JAK1: variants seen among roughly 807,000 people sequenced by gnomAD.
The protein encoded by JAK1 is Janus kinase 1, also known as tyrosine-protein kinase JAK1.
JAK1 carries 16 observed loss-of-function variants against 136.6 expected under a neutral mutation model. The ratio of observed to expected loss-of-function variants is 0.12; its 90% confidence interval spans 0.08 to 0.18. The LOEUF (loss-of-function observed/expected upper bound fraction) is 0.18. JAK1 is among the 10% of genes least tolerant of loss of function. The pLI is 1.00. For missense variants in JAK1, 859 were observed against 1,450.1 expected, an observed-to-expected ratio of 0.59 and a Z score of 6.62; for synonymous variants, 492 against 519.5, an observed-to-expected ratio of 0.95 and a Z score of 0.72.
rs1646584015 is a variant in JAK1 at position 64,984,956 on chromosome 1, C to T, written c.-78+59524G>A. The T allele has an allele frequency of 1.9e-6, 2 of 1,031,162 alleles. No individual in the cohort carries two copies. The highest frequency in any genetic ancestry group is 1.5e-6 in the Non-Finnish European group (1 of 652,960). The allele number at this position is 1,031,162 out of a possible 1,614,324, so 63.9% of individuals were successfully genotyped here. On this transcript the variant is annotated intron_variant, in intron 2 of 25. Transcript: ENST00000671954. The surrounding 1 kb of genome is among the most constrained non-coding windows in gnomAD (Gnocchi z 4.1). The stretch of plus-strand genomic sequence containing the variant: ...CAATAAACCAGGGAATGTGGTCTGG[C>T]CCAATTTCAAAGAAGACCACAAAGA...
intron 1 of JAK1, among the ~76,000 whole-genome samples, chr1:64,951,309 G>T (rs1646082378): frequency 6.6e-6 from 1 of 152,112 alleles, no homozygotes; most frequent in African/African-American, 2.4e-5. Context: ...CAACTGTGTG[G>T]CAATATTCCT....
intron 1 of JAK1, among the ~76,000 whole-genome samples, chr1:64,946,252 A>T (rs941982703): frequency 6.6e-6 from 1 of 152,226 alleles, no homozygotes; most frequent in East Asian, 1.9e-4. Context: ...GGAAGAATAC[A>T]GGAGAGAGGA....
chr1:64,948,157 G>A lies in JAK1; in HGVS notation c.-78+18176C>T, dbSNP rs1646020905. Among the ~76,000 whole-genome samples the A allele has an allele frequency of 2.6e-5, 4 of 152,232 alleles. No individual in the cohort carries two copies. In the South Asian group the frequency reaches 6.2e-4, roughly 24 times the overall value. On this transcript the variant is annotated intron_variant, in intron 1 of 24. Coordinates refer to ENST00000342505, the MANE Select transcript of JAK1 (RefSeq NM_002227.4). ...CATTTACTATAGGTTGCCTTGGTTT[G>A]GTTCCCACTAATTATTGGCCAGGCT...
intron 1 of JAK1, chr1:65,066,826 T>A (rs1449097907): frequency 1.3e-5 from 2 of 152,720 alleles, no homozygotes; most frequent in African/African-American, 4.8e-5. Context: ...ACATCCAGGC[T>A]CTATTTACAG....
In JAK1 at chr1:64,834,389, A is replaced by T. The variant is rs577739445; in HGVS notation, c.*173T>A. 2.0e-6 allele frequency: 1 copy of T among 504,792 alleles called. No homozygotes were observed. Among genetic ancestry groups the T allele is most frequent in the East Asian group, 3.0e-5 (1 of 33,550 alleles). 31.3% of individuals were successfully genotyped at this position (504,792 alleles called of 1,614,324 possible). A position where few individuals can be genotyped will look rare whatever the true frequency, so the allele number is the denominator to read the frequency against. On this transcript the variant is annotated 3_prime_UTR_variant, in exon 25 of 25. Coordinates refer to ENST00000342505, the MANE Select transcript of JAK1 (RefSeq NM_002227.4). ...AAATTTAAAGAGGAAGTCCTTACAC[A>T]TATTAAGCACTACAGTGTGCCTTAT...
intron 2 of JAK1, among the ~76,000 whole-genome samples, chr1:65,002,871 C>A (rs1196305216): frequency 6.6e-6 from 1 of 152,226 alleles, no homozygotes; most frequent in African/African-American, 2.4e-5. Flanking sequence ...GCAGTCTCTG[C>A]CCCCGGGAGG....
At position 64,841,384 on chromosome 1, in the gene JAK1, C is replaced by T. The variant is rs1654896363; in HGVS notation, c.2555-45G>A. 6 of 1,611,444 alleles carry T rather than the reference C, an allele frequency of 3.7e-6. No individual in the cohort carries two copies. In the African/African-American group the frequency reaches 5.3e-5, roughly 14 times the overall value. On this transcript the variant is annotated intron_variant, in intron 18 of 24. Coordinates refer to ENST00000342505, the MANE Select transcript of JAK1 (RefSeq NM_002227.4). ...AACAGAGTGAAAGGCAGTCGATTGC[C>T]AGGGATTGCCACCCAGGCTCCTGTT...
intron 2 of JAK1, chr1:64,985,196 A>AC: frequency 6.5e-7 from 1 of 1,546,174 alleles, no homozygotes; most frequent in Non-Finnish European, 8.9e-7. Flanking sequence ...GCTCTTGAAC[A>AC]CCTGCACCCT....
rs773024730 is a variant in JAK1 at position 65,046,326 on chromosome 1, A to T, written c.-180-1744T>A. 9.9e-4 allele frequency among the ~76,000 whole-genome samples: 151 copies of T among 152,344 alleles called. 6 individuals carry two copies. Among genetic ancestry groups the T allele is most frequent in the Admixed American group, 7.2e-4 (11 of 15,298 alleles). On this transcript the variant is annotated intron_variant, in intron 1 of 25. Coordinates refer to the JAK1 transcript ENST00000671954. ...CCCGGATGAGGCCCTTAAGTCAGAC[A>T]CGGACAAGCTGGAGGCCATGCCAAA... is the stretch of plus-strand genomic sequence containing the variant.
At chr1:65,000,972 C>G (rs1646751058) in intron 2 of JAK1, among the ~76,000 whole-genome samples, 1 of 151,822 alleles carries the variant, frequency 6.6e-6, no homozygotes, top group Non-Finnish European at 1.5e-5. Context: ...CTAAAGGGTC[C>G]TTTCCTTTGG....
intron 1 of JAK1, among the ~76,000 whole-genome samples, chr1:64,958,227 C>T (rs951961679): frequency 2.0e-5 from 3 of 152,186 alleles, no homozygotes; most frequent in African/African-American, 7.2e-5. Context: ...TAAATCACAT[C>T]AAGTGGGCTT....
chr1:65,022,274 T>G (rs1249686819), intron 2 of JAK1, among the ~76,000 whole-genome samples: 1 of 152,236 alleles, frequency 6.6e-6, no homozygotes, highest in African/African-American at 2.4e-5. Context: ...CCCCTCTCCT[T>G]TCTCTCAAAG....
intron 5 of JAK1, among the ~76,000 whole-genome samples, chr1:64,870,592 G>A (rs1345524137): frequency 6.6e-6 from 1 of 152,084 alleles, no homozygotes; most frequent in East Asian, 1.9e-4. Flanking sequence ...GCCACATTCG[G>A]TTTTCATCAA....
chr1:64,961,595 C>T (rs1048020250), intron 1 of JAK1, among the ~76,000 whole-genome samples: 9 of 152,160 alleles, frequency 5.9e-5, no homozygotes, highest in Non-Finnish European at 1.0e-4. Flanking sequence ...CCCTCCCAAG[C>T]AGTCTTTGCT....
intron 1 of JAK1, among the ~76,000 whole-genome samples, chr1:64,945,164 C>T (rs1645961715): frequency 6.6e-6 from 1 of 152,174 alleles, no homozygotes; most frequent in South Asian, 2.1e-4. Context: ...CTGCACTTGC[C>T]AGTTCTCTCC....
intron 1 of JAK1, among the ~76,000 whole-genome samples, chr1:64,906,434 A>C (rs1462187201): frequency 6.6e-6 from 1 of 152,030 alleles, no homozygotes; most frequent in Non-Finnish European, 1.5e-5. Flanking sequence ...CCTCCTCCCC[A>C]GCATTCACTC....
chr1:64,970,534 T>A (rs562469537), upstream of JAK1, among the ~76,000 whole-genome samples: 5 of 152,138 alleles, frequency 3.3e-5, no homozygotes, highest in African/African-American at 9.6e-5. Context: ...GGCAGGTGGA[T>A]CACCTGACGT....
At position 64,850,908 on chromosome 1, in the gene JAK1, T is replaced by C; in HGVS notation, c.1651A>G (p.Ile551Val). ...TTAGTAGCCACCAGCAGGTTGGAGA[T>C]TTCTGTGGAAGAGATTGGGGGAGTC... ...KRCCQPKPRE[I>V]SNLLVATKKA... Residue 551 changes from isoleucine (I) to valine (V), a missense_variant and splice_region_variant, in exon 12 of 25, where the codon ATC (isoleucine) becomes GTC (valine). By Grantham distance (29) the Ile-to-Val change is conservative. Transcript: ENST00000342505. The C allele has an allele frequency of 6.2e-7, 1 of 1,609,852 alleles. No homozygotes were observed. The highest frequency in any genetic ancestry group is 8.5e-7 in the Non-Finnish European group (1 of 1,176,182).
At chr1:64,835,993 A>G (rs766478088) in intron 23 of JAK1, 105 bp downstream of exon 23, 4 of 698,356 alleles carry the variant, frequency 5.7e-6, no homozygotes, top group East Asian at 2.6e-5. Flanking sequence ...TTTCCATTAT[A>G]ATACATTCAT....
Sources: gnomAD v4.1 joint callset for allele counts (sites outside exome capture counted in the v4.1 genomes callset) on GRCh38, gnomAD v4.1.1 for gene constraint, Gnocchi (gnomAD v3.1) non-coding constraint, MANE v1.5 for transcripts, NCBI Gene and HGNC (gene_info 2026-07-23, HGNC 2026-07-21) for gene names.